NBL1: variants seen among roughly 807,000 people sequenced by gnomAD.
NBL1 encodes neuroblastoma suppressor of tumorigenicity 1.
NBL1 carries 9 observed loss-of-function variants against 16.0 expected under a neutral mutation model. The ratio of observed to expected loss-of-function variants is 0.56; its 90% CI spans 0.34 to 0.98. The LOEUF is 0.98. NBL1 is among the 50% of genes least tolerant of loss of function. The probability of loss-of-function intolerance (pLI) is 0.02; values close to 1 mark genes in which losing one functional copy is unlikely to be tolerated. For missense variants in NBL1, 196 were observed against 243.1 expected, an observed-to-expected ratio of 0.81 and a Z score of 1.29; for synonymous variants, 86 against 100.7, an observed-to-expected ratio of 0.85 and a Z score of 0.87.
chr1:19,643,931 G>A, upstream of NBL1: 1 of 986,314 alleles, frequency 1.0e-6, no homozygotes, highest in African/African-American at 1.7e-5. The surrounding 1 kb of genome is among the most constrained non-coding windows in gnomAD (Gnocchi z 4.7). Context: ...CCGAGGCCTG[G>A]CACGGCCTGA....
At chr1:19,645,717 C>A in intron 1 of NBL1, 1 of 1,325,862 alleles carries the variant, frequency 7.5e-7, no homozygotes, top group South Asian at 1.6e-5. Context: ...CTCGGTGACC[C>A]CTACCCCTCT....
chr1:19,643,581 T>C, upstream of NBL1: 4 of 1,407,778 alleles, frequency 2.8e-6, 1 homozygote, highest in Non-Finnish European at 3.7e-6. This position sits in a 1 kb window ranked among gnomAD's most constrained non-coding sequence, Gnocchi z 4.7. Flanking sequence ...GAGGTGAGGC[T>C]GGAAGCTGGG....
intron 1 of NBL1, chr1:19,645,940 C>A: frequency 1.3e-6 from 2 of 1,550,420 alleles, no homozygotes; most frequent in Non-Finnish European, 8.7e-7. Flanking sequence ...AGTGGAACTT[C>A]TGCTGAGCAG....
chr1:19,657,250 CG>C lies in NBL1; in HGVS notation c.*123del, dbSNP rs1405134958. 2 of 568,884 alleles carry C rather than the reference CG, an allele frequency of 3.5e-6. No homozygotes were observed. Among genetic ancestry groups the C allele is most frequent in the East Asian group, 5.6e-5 (2 of 35,802 alleles). 35.2% of individuals were successfully genotyped at this position (568,884 alleles called of 1,614,324 possible). ...CACTGGATGGACTTGGCTTCAGACT[CG>C]GACTTGAATGCTGCCCGGTTGCCAT... is the stretch of plus-strand genomic sequence containing the variant. On this transcript the variant is annotated 3_prime_UTR_variant, in exon 4 of 4. Transcript: ENST00000375136.
At chr1:19,655,849 G>C (rs146505927) in intron 3 of NBL1, among the ~76,000 whole-genome samples, 1 of 152,072 alleles carries the variant, frequency 6.6e-6, no homozygotes, top group East Asian at 1.9e-4. Flanking sequence ...TCAGTGCCTC[G>C]CACCTGCTCC....
chr1:19,644,037 G>T, upstream of NBL1: 1 of 981,470 alleles, frequency 1.0e-6, no homozygotes, highest in Non-Finnish European at 1.2e-6. This position sits in a 1 kb window ranked among gnomAD's most constrained non-coding sequence, Gnocchi z 4.6. Flanking sequence ...CGGCTGGGCT[G>T]CCCTGCCTCT....
chr1:19,653,667 G>A (rs2095039963), intron 1 of NBL1, among the ~76,000 whole-genome samples: 1 of 152,188 alleles, frequency 6.6e-6, no homozygotes, highest in African/African-American at 2.4e-5. Context: ...TGAGTGTCCC[G>A]GTCACCCAGC....
intron 1 of NBL1, chr1:19,645,690 C>G: frequency 8.1e-7 from 1 of 1,236,736 alleles, no homozygotes; most frequent in Non-Finnish European, 1.0e-6. Flanking sequence ...AAAGAAAAGG[C>G]GAGGCTGCAG....
chr1:19,655,287 A>G, intron 2 of NBL1, 37 bp from the exon 3 acceptor site: 1 of 1,613,222 alleles, frequency 6.2e-7, no homozygotes, highest in Non-Finnish European at 8.5e-7. Flanking sequence ...CTGCCTCCCC[A>G]ACAGTGACAC....
At chr1:19,645,757 C>G in intron 1 of NBL1, 1 of 1,380,106 alleles carries the variant, frequency 7.2e-7, no homozygotes, top group East Asian at 2.9e-5. Flanking sequence ...GGACCTCTCT[C>G]CCGGGCCTGT....
chr1:19,643,697 G>A, upstream of NBL1: 1 of 1,170,272 alleles, frequency 8.5e-7, no homozygotes, highest in South Asian at 1.9e-5. The surrounding 1 kb of genome is among the most constrained non-coding windows in gnomAD (Gnocchi z 4.7). Context: ...AGCCAAGGGC[G>A]TGGGGCCGAG....
At chr1:19,643,463 C>T, upstream of NBL1, 2 of 1,598,968 alleles carry the variant, frequency 1.3e-6, no homozygotes, top group Non-Finnish European at 1.7e-6. This position sits in a 1 kb window ranked among gnomAD's most constrained non-coding sequence, Gnocchi z 4.7. Flanking sequence ...CCCTGGGCCA[C>T]CACTTTCCAG....
chr1:19,654,865 A>C, intron 1 of NBL1, 147 bp from the exon 2 acceptor site: 2 of 1,049,750 alleles, frequency 1.9e-6, no homozygotes, highest in Non-Finnish European at 2.6e-6. Context: ...AGAGGGGAGA[A>C]ATAACTTGTC....
intron 1 of NBL1, among the ~76,000 whole-genome samples, chr1:19,653,217 C>T (rs1337260735): frequency 7.2e-6 from 1 of 139,012 alleles, no homozygotes; most frequent in Admixed American, 8.0e-5. Flanking sequence ...ACCCAGGAGG[C>T]GGAGCTTGCA....
Position 19,657,371 on chromosome 1 carries a change from G to C in NBL1, c.*242G>C, listed in dbSNP as rs1055888205. The C allele has an allele frequency of 1.7e-4, 22 of 126,988 alleles. No individual in the cohort carries two copies. The highest frequency in any genetic ancestry group is 3.2e-3 in the Middle Eastern group (2 of 622). The allele number at this position is 126,988 out of a possible 1,614,324, so 7.9% of individuals were successfully genotyped here. ...CAGAGGTCTTCAGGGCTCTTTTTTT[G>C]GGGGGGGTGGTCTCTTCCTGTCTGG... On this transcript the variant is annotated 3_prime_UTR_variant, in exon 4 of 4. Transcript: ENST00000375136.
rs1276907085 is a variant in NBL1, at chr1:19,645,612, A to G, written c.-20+1166A>G. ...AGCCCCTCACCCTTTGTTACTGCGG[A>G]ATGGGGCCTCCCTAGACTCCCCCAG... On this transcript the variant is annotated intron_variant, in intron 1 of 3. Coordinates refer to ENST00000375136, the MANE Select transcript of NBL1 (RefSeq NM_005380.8). 5 of 1,065,600 alleles carry G rather than the reference A, an allele frequency of 4.7e-6. No individual in the cohort carries two copies. In the Middle Eastern group the frequency reaches 1.3e-3, roughly 285 times the overall value. The allele number at this position is 1,065,600 out of a possible 1,614,324, so 66.0% of individuals were successfully genotyped here. A position where few individuals can be genotyped will look rare whatever the true frequency, so the allele number is the denominator to read the frequency against.
At chr1:19,643,484 A>AT, upstream of NBL1, 3 of 1,570,686 alleles carry the variant, frequency 1.9e-6, no homozygotes, top group Non-Finnish European at 1.7e-6. This position sits in a 1 kb window ranked among gnomAD's most constrained non-coding sequence, Gnocchi z 4.7. Flanking sequence ...AAGCAAAGTT[A>AT]TTTTCTCACC....
chr1:19,643,566 C>A, upstream of NBL1: 3 of 1,419,746 alleles, frequency 2.1e-6, no homozygotes, highest in Non-Finnish European at 2.8e-6. The surrounding 1 kb of genome is among the most constrained non-coding windows in gnomAD (Gnocchi z 4.7). Flanking sequence ...TAGATAGGAA[C>A]CCCCGAGGTG....
chr1:19,652,195 G>T (rs2095030032), intron 1 of NBL1, among the ~76,000 whole-genome samples: 1 of 152,150 alleles, frequency 6.6e-6, no homozygotes, highest in Non-Finnish European at 1.5e-5. Flanking sequence ...TCTCCTAAGG[G>T]TCTAGGGGGC....
Sources: gnomAD v4.1 joint callset for allele counts (sites outside exome capture counted in the v4.1 genomes callset) on GRCh38, gnomAD v4.1.1 for gene constraint, Gnocchi (gnomAD v3.1) non-coding constraint, MANE v1.5 for transcripts, NCBI Gene and HGNC (gene_info 2026-07-23, HGNC 2026-07-21) for gene names.